Variants in USP9Y observed in about 807,000 individuals in gnomAD.
USP9Y encodes the protein ubiquitin carboxyl-terminal hydrolase 9Y.
Under a neutral mutation model 53.1 loss-of-function variants are expected in USP9Y, and 41 were observed. That is an observed-to-expected ratio of 0.77 (90% CI 0.60 to 1.00). USP9Y has a LOEUF of 1.00. USP9Y is among the 50% of genes least tolerant of loss of function. The probability of loss-of-function intolerance (pLI) is 0.00; values close to 1 mark genes in which losing one functional copy is unlikely to be tolerated. For synonymous variants in USP9Y, 220 were observed against 173.7 expected (o/e 1.27, Z -2.09); for missense variants, 567 against 535.8 (o/e 1.06, Z -0.58).
chrY:12,757,080 G>A, intron 12 of USP9Y, 112 bp from the exon 13 acceptor site: 3 of 229,232 alleles, frequency 1.3e-5, no homozygotes, highest in East Asian at 1.1e-4. Flanking sequence ...GTGCGCACAC[G>A]CCCCTGTGTG....
intron 25 of USP9Y, 120 bp from the exon 26 acceptor site, chrY:12,791,379 T>C: frequency 8.6e-6 from 2 of 233,648 alleles, no homozygotes; most frequent in Non-Finnish European, 1.3e-5. Flanking sequence ...AAGGCAGGTC[T>C]GATGCATGTT....
At chrY:12,782,024 T>A in intron 22 of USP9Y, among the ~76,000 whole-genome samples, 1 of 33,079 alleles carries the variant, frequency 3.0e-5, no homozygotes, top group African/African-American at 1.2e-4. Context: ...GCAACAGCCA[T>A]ACAAAATGTA....
chrY:12,816,256 C>G lies in USP9Y; in HGVS notation c.4742C>G (p.Pro1581Arg), dbSNP rs767662401. ...GTGATCCAGCAGCTATACATGATTC[C>G]TTCTATCAGGAACAGTATTCTTGCA... ...NSVIQQLYMIPSIRNSILAIE... is the reference protein window; with the variant it reads ...NSVIQQLYMIRSIRNSILAIE... Residue 1581 changes from proline to arginine, a missense_variant, in exon 32 of 46, where the codon CCT becomes CGT. Coordinates refer to ENST00000338981, the MANE Select transcript of USP9Y (RefSeq NM_004654.4). The G allele has an allele frequency of 5.0e-6, 2 of 396,971 alleles. No homozygotes were observed. The highest frequency in any genetic ancestry group is 7.1e-6 in the Non-Finnish European group (2 of 283,134).
At chrY:12,733,774 A>G in intron 7 of USP9Y, among the ~76,000 whole-genome samples, 1 of 32,021 alleles carries the variant, frequency 3.1e-5, no homozygotes, top group African/African-American at 1.2e-4. Flanking sequence ...CAGCCTCCCA[A>G]AGTGCTAGGA....
intron 5 of USP9Y, 21 bp downstream of exon 5, chrY:12,722,208 T>C: frequency 2.8e-6 from 1 of 360,109 alleles, no homozygotes; most frequent in African/African-American, 6.4e-5. Flanking sequence ...ATGTACATTT[T>C]CTATAATACG....
intron 36 of USP9Y, 122 bp downstream of exon 36, chrY:12,840,736 T>A: frequency 4.7e-6 from 1 of 212,207 alleles, no homozygotes; most frequent in Non-Finnish European, 7.4e-6. Context: ...TTTCATAGAA[T>A]CTTTAACCTC....
intron 37 of USP9Y, among the ~76,000 whole-genome samples, chrY:12,841,863 G>T (rs2053561439): frequency 3.1e-5 from 1 of 31,945 alleles, no homozygotes; most frequent in Non-Finnish European, 7.6e-5. Context: ...ATTAAAAAAA[G>T]ACAATTTTAA....
Position 12,736,478 on chromosome Y carries a change from A to G in USP9Y, c.1093A>G (p.Ser365Gly). ...GAATGAAATAAATAAGGTTATATCT[A>G]GTGTATCATATTATACTCATCGGCA... ...ALNEINKVIS[S>G]VSYYTHRHSN... is the part of the protein sequence containing the mutation. The change falls in exon 10 of 46, where the codon AGT becomes GGT. Residue 365 changes from serine (S) to glycine (G), a missense_variant. By Grantham distance (56) the Ser-to-Gly change is moderately conservative (BLOSUM62 0). Transcript: ENST00000338981. The G allele has an allele frequency of 2.5e-6, 1 of 393,740 alleles. No homozygotes were observed. Among genetic ancestry groups the G allele is most frequent in the Non-Finnish European group, 3.6e-6 (1 of 279,336 alleles).
chrY:12,769,777 AGTGTGTGTGT>A (rs34777653), intron 15 of USP9Y, among the ~76,000 whole-genome samples: 1 of 29,727 alleles, frequency 3.4e-5, no homozygotes, highest in Non-Finnish European at 8.2e-5. Flanking sequence ...CTTTTGAATA[AGTGTGTGTGT>A]GTGTGTGTGT....
intron 29 of USP9Y, among the ~76,000 whole-genome samples, chrY:12,811,021 T>A: frequency 2.9e-5 from 1 of 34,126 alleles, no homozygotes; most frequent in Non-Finnish European, 7.3e-5. Flanking sequence ...GAAACAAACA[T>A]AGCTAGTTTT....
chrY:12,845,209 G>A, intron 39 of USP9Y, among the ~76,000 whole-genome samples: 4 of 33,443 alleles, frequency 1.2e-4, no homozygotes, highest in African/African-American at 3.5e-4. Flanking sequence ...GATAGACCAA[G>A]ATAAGAAAGT....
chrY:12,754,166 G>A (rs2053466376), intron 12 of USP9Y, among the ~76,000 whole-genome samples: 1 of 29,585 alleles, frequency 3.4e-5, no homozygotes, highest in Non-Finnish European at 7.9e-5. Flanking sequence ...ATATATACCA[G>A]TATAATATAC....
chrY:12,767,016 G>A, intron 15 of USP9Y, among the ~76,000 whole-genome samples: 1 of 33,056 alleles, frequency 3.0e-5, no homozygotes, highest in Non-Finnish European at 7.4e-5. Context: ...CTGGGCACAC[G>A]GCTAGGGGAC....
At chrY:12,779,025 T>C (rs751235296) in intron 21 of USP9Y, among the ~76,000 whole-genome samples, 1 of 33,007 alleles carries the variant, frequency 3.0e-5, no homozygotes, top group South Asian at 6.6e-4. Flanking sequence ...TAAAGAAAAA[T>C]AGGATGTATT....
intron 12 of USP9Y, among the ~76,000 whole-genome samples, chrY:12,747,606 T>A: frequency 2.9e-5 from 1 of 34,536 alleles, no homozygotes; most frequent in African/African-American, 1.1e-4. Flanking sequence ...TTTTCATTAA[T>A]TAAAACTTTA....
chrY:12,859,723 C>CCG lies in USP9Y; in HGVS notation c.*307_*308insCG, dbSNP rs1397814436. ...GAAACTTTTTTTGATGAAAACAAGT[C>CCG]AGATCTACACAGTCACACAATTATT... On this transcript the variant is annotated 3_prime_UTR_variant, in exon 46 of 46. Transcript: ENST00000338981. 4.4e-5 allele frequency: 1 copy of CCG among 22,801 alleles called. No individual in the cohort carries two copies. Among genetic ancestry groups the CCG allele is most frequent in the Non-Finnish European group, 1.1e-4 (1 of 9,426 alleles). The allele number at this position is 22,801 out of a possible 400,897, so 5.7% of individuals were successfully genotyped here.
At chrY:12,705,192 A>G (rs2053418626) in intron 1 of USP9Y, among the ~76,000 whole-genome samples, 1 of 32,919 alleles carries the variant, frequency 3.0e-5, no homozygotes, top group Admixed American at 2.8e-4. Flanking sequence ...TATATTTTCT[A>G]ATTGTCATTT....
At chrY:12,714,350 C>T in intron 3 of USP9Y, among the ~76,000 whole-genome samples, 1 of 32,061 alleles carries the variant, frequency 3.1e-5, no homozygotes, top group Admixed American at 2.9e-4. Flanking sequence ...TTTAGAATTT[C>T]TCTCTCTTTG....
intron 31 of USP9Y, 112 bp from the exon 32 acceptor site, chrY:12,816,012 A>C: frequency 4.3e-6 from 1 of 235,030 alleles, no homozygotes; most frequent in Non-Finnish European, 7.1e-6. Context: ...GTACTGTTTC[A>C]AAGTGGCTGT....
Sources: allele counts gnomAD v4.1 joint callset (sites outside exome capture counted in the v4.1 genomes callset), GRCh38; gene constraint gnomAD v4.1.1; transcripts MANE v1.5; gene names NCBI Gene and HGNC (gene_info 2026-07-23, HGNC 2026-07-21).